The following CREB5 variants were observed in gnomAD, a reference collection of about 807,000 sequenced individuals.
The protein encoded by CREB5 is cyclic AMP-responsive element-binding protein 5.
Under a neutral mutation model 57.1 loss-of-function variants are expected in CREB5, and 19 were observed. The ratio of observed to expected loss-of-function variants is 0.33; its 90% confidence interval spans 0.23 to 0.49. CREB5 has a LOEUF of 0.49. CREB5 is among the 20% of genes least tolerant of loss of function. CREB5 has a pLI of 0.99. For missense variants in CREB5, 579 were observed against 671.6 expected (o/e 0.86, Z 1.52); for synonymous variants, 238 against 238.3 (o/e 1.00, Z 0.01).
chr7:28,453,418 G>C (rs537896733), intron 1 of CREB5, among the ~76,000 whole-genome samples: 1 of 152,190 alleles, frequency 6.6e-6, no homozygotes, highest in Non-Finnish European at 1.5e-5. Flanking sequence ...CAGCCTGGGT[G>C]ACAGAGCGAG....
intron 3 of CREB5, among the ~76,000 whole-genome samples, chr7:28,498,534 A>T (rs1166324698): frequency 6.6e-6 from 1 of 152,236 alleles, no homozygotes; most frequent in Non-Finnish European, 1.5e-5. Context: ...AAATAATTTC[A>T]TAGCTTTGTC....
At chr7:28,762,837 A>G (rs1264426632) in intron 7 of CREB5, among the ~76,000 whole-genome samples, 2 of 152,072 alleles carry the variant, frequency 1.3e-5, no homozygotes, top group Non-Finnish European at 2.9e-5. Context: ...CACATCTTCA[A>G]TGCTCCATTT....
chr7:28,555,036 G>A (rs1794804132), intron 4 of CREB5, among the ~76,000 whole-genome samples: 1 of 152,050 alleles, frequency 6.6e-6, no homozygotes, highest in South Asian at 2.1e-4. Context: ...CGCCTTCACT[G>A]GAGTTTTGTT....
chr7:28,364,168 T>C (rs917527749), intron 1 of CREB5, among the ~76,000 whole-genome samples: 2 of 152,198 alleles, frequency 1.3e-5, no homozygotes, highest in African/African-American at 2.4e-5. Flanking sequence ...GTTTCTTCAA[T>C]TGGGTGTTAA....
chr7:28,299,892 T>C (rs1785070202), intron 1 of CREB5, among the ~76,000 whole-genome samples: 2 of 152,288 alleles, frequency 1.3e-5, no homozygotes, highest in East Asian at 1.9e-4. Flanking sequence ...TGAAATTGAA[T>C]CTACATGTTG....
intron 4 of CREB5, among the ~76,000 whole-genome samples, chr7:28,560,905 C>CGTGTGTGTGTGTGTGT (rs1213126401): frequency 8.2e-4 from 11 of 13,458 alleles, no homozygotes; most frequent in Non-Finnish European, 1.1e-3. Context: ...TGCGTGCGCG[C>CGTGTGTGTGTGTGTGT]GTGCGTGTGC....
chr7:28,427,031 A>C (rs1046380338), intron 1 of CREB5, among the ~76,000 whole-genome samples: 3 of 152,222 alleles, frequency 2.0e-5, no homozygotes, highest in Non-Finnish European at 4.4e-5. Context: ...TATACGGATG[A>C]AGTCCCCTTC....
At chr7:28,535,544 C>T (rs1793927115) in intron 4 of CREB5, among the ~76,000 whole-genome samples, 1 of 151,674 alleles carries the variant, frequency 6.6e-6, no homozygotes, top group South Asian at 2.1e-4. Flanking sequence ...TGTTTAAAAA[C>T]CCTGGATTTT....
At chr7:28,718,475 T>A (rs1432285134) in intron 5 of CREB5, among the ~76,000 whole-genome samples, 1 of 152,180 alleles carries the variant, frequency 6.6e-6, no homozygotes. Context: ...GATGCGAGCG[T>A]TTAGGAGACT....
Position 28,326,192 on chromosome 7 carries a change from TCTATCTATCTATCTATCTAC to T in CREB5, c.-25+26762_-25+26781del, listed in dbSNP as rs765929265. Among the ~76,000 whole-genome samples, 672 of 151,040 alleles carry T rather than the reference TCTATCTATCTATCTATCTAC, an allele frequency of 4.4e-3. 3 individuals are homozygous for T. The highest frequency in any genetic ancestry group is 0.011 in the South Asian group (54 of 4,696). ...ATCTATCTATCTATCTATCTATCTA[TCTATCTATCTATCTATCTAC>T]CTATCTATCTTGAAAAACATGAGTT... On this transcript the variant is annotated intron_variant, in intron 1 of 9. Coordinates refer to the CREB5 transcript ENST00000396299.
chr7:28,344,988 C>T (rs1283675629), intron 1 of CREB5, among the ~76,000 whole-genome samples: 1 of 152,172 alleles, frequency 6.6e-6, no homozygotes. Context: ...ATGCACCCAA[C>T]ATCAGAGCAC....
intron 1 of CREB5, among the ~76,000 whole-genome samples, chr7:28,305,860 A>G (rs1033298026): frequency 2.0e-5 from 3 of 151,960 alleles, no homozygotes; most frequent in African/African-American, 7.3e-5. Flanking sequence ...GTTTGCCCAG[A>G]TGTAACAACT....
intron 1 of CREB5, among the ~76,000 whole-genome samples, chr7:28,482,190 C>A (rs185306956): frequency 1.3e-5 from 2 of 152,278 alleles, no homozygotes; most frequent in East Asian, 3.9e-4. Context: ...GAAAGAAATT[C>A]TTAGCTCCAA....
chr7:28,350,104 C>G (rs1786158111), intron 1 of CREB5, among the ~76,000 whole-genome samples: 1 of 152,192 alleles, frequency 6.6e-6, no homozygotes, highest in South Asian at 2.1e-4. Context: ...GGATGCAGGA[C>G]AAAGTGTTTA....
chr7:28,579,426 C>T (rs1796036189), intron 5 of CREB5, among the ~76,000 whole-genome samples: 1 of 152,008 alleles, frequency 6.6e-6, no homozygotes, highest in Non-Finnish European at 1.5e-5. Flanking sequence ...AGACACATTT[C>T]AAGGAATTTG....
rs192156887 is a variant in CREB5 at position 28,780,732 on chromosome 7, C to T, written c.703-23467C>T. On this transcript the variant is annotated intron_variant, in intron 7 of 10. Transcript: ENST00000357727. ...TTCAAAATCAAAGCTTTTTAGATTC[C>T]CTGTACTATGAGTCTAGTGGTTCTT... 6.6e-3 allele frequency among the ~76,000 whole-genome samples: 1,001 copies of T among 152,108 alleles called. 11 individuals are homozygous for T. Among genetic ancestry groups the T allele is most frequent in the African/African-American group, 0.023 (940 of 41,508 alleles).
At chr7:28,645,312 A>C (rs1317497174) in intron 5 of CREB5, among the ~76,000 whole-genome samples, 1 of 152,206 alleles carries the variant, frequency 6.6e-6, no homozygotes, top group African/African-American at 2.4e-5. Flanking sequence ...TGGAAATGTA[A>C]TCTCTCTGGA....
intron 1 of CREB5, among the ~76,000 whole-genome samples, chr7:28,381,191 G>C (rs60957757): frequency 0.042 from 6,361 of 152,190 alleles, 443 homozygotes; most frequent in African/African-American, 0.14. Context: ...GGGTGAACAT[G>C]ACTTACAACT....
At chr7:28,681,646 G>A (rs974755383) in intron 5 of CREB5, among the ~76,000 whole-genome samples, 1 of 152,162 alleles carries the variant, frequency 6.6e-6, no homozygotes, top group Non-Finnish European at 1.5e-5. Context: ...AAGAAGACAA[G>A]CATGAAGAGA....
Sources: gnomAD v4.1 joint callset for allele counts (sites outside exome capture counted in the v4.1 genomes callset) on GRCh38, gnomAD v4.1.1 for gene constraint, MANE v1.5 for transcripts, NCBI Gene and HGNC (gene_info 2026-07-23, HGNC 2026-07-21) for gene names.